Variants in SLC4A10 observed in about 807,000 individuals in gnomAD.
SLC4A10 encodes solute carrier family 4 member 10, also known as sodium-driven chloride bicarbonate exchanger.
Under a neutral mutation model 137.7 loss-of-function variants are expected in SLC4A10, and 42 were observed. That is an observed-to-expected ratio of 0.30 (90% CI 0.24 to 0.39). The LOEUF (loss-of-function observed/expected upper bound fraction) is 0.39, where lower values mean the gene tolerates loss of function less well. SLC4A10 is among the 10% of genes least tolerant of loss of function. The pLI, the probability that SLC4A10 is intolerant of heterozygous loss-of-function variation, is 1.00. For synonymous variants in SLC4A10, 474 were observed against 464.1 expected (o/e 1.02, Z -0.27); for missense variants, 925 against 1,355.0 (o/e 0.68, Z 4.98).
intron 1 of SLC4A10, among the ~76,000 whole-genome samples, chr2:161,737,049 G>A (rs1182460271): frequency 3.3e-5 from 5 of 151,522 alleles, no homozygotes; most frequent in Admixed American, 2.6e-4. Flanking sequence ...CATGGAGACA[G>A]TGTCTCACCG....
At chr2:161,715,694 G>A (rs144535270) in intron 1 of SLC4A10, among the ~76,000 whole-genome samples, 140 of 152,146 alleles carry the variant, frequency 9.2e-4, no homozygotes, top group African/African-American at 3.2e-3. Flanking sequence ...TGGCCACATA[G>A]TATTCCAGGG....
chr2:161,960,860 A>G (rs1696575489), intron 21 of SLC4A10, among the ~76,000 whole-genome samples: 1 of 152,142 alleles, frequency 6.6e-6, no homozygotes, highest in East Asian at 1.9e-4. Flanking sequence ...GGCCCTGGCA[A>G]TATCTTGCTT....
intron 2 of SLC4A10, among the ~76,000 whole-genome samples, chr2:161,786,883 T>A (rs1190349859): frequency 6.6e-6 from 1 of 151,300 alleles, no homozygotes; most frequent in Non-Finnish European, 1.5e-5. Flanking sequence ...AATATTGACA[T>A]GTGAAGTTTT....
At chr2:161,758,673 T>A (rs1006423335) in intron 1 of SLC4A10, among the ~76,000 whole-genome samples, 3 of 151,988 alleles carry the variant, frequency 2.0e-5, no homozygotes, top group Non-Finnish European at 4.4e-5. Flanking sequence ...TATTGTAGAT[T>A]ATTACAAACT....
At chr2:161,637,218 G>A (rs546428014) in intron 1 of SLC4A10, among the ~76,000 whole-genome samples, 2 of 150,730 alleles carry the variant, frequency 1.3e-5, no homozygotes, top group Non-Finnish European at 3.0e-5. Context: ...GAGAGAGAGA[G>A]ACAGAGTCTC....
chr2:161,669,555 A>G (rs2039460777), intron 1 of SLC4A10, among the ~76,000 whole-genome samples: 1 of 152,002 alleles, frequency 6.6e-6, no homozygotes, highest in African/African-American at 2.4e-5. Context: ...ATAAATTGCT[A>G]ATGTGAGTGA....
intron 3 of SLC4A10, among the ~76,000 whole-genome samples, chr2:161,817,488 G>T (rs2057201443): frequency 1.3e-5 from 2 of 152,124 alleles, no homozygotes; most frequent in South Asian, 4.2e-4. Context: ...AGTTTAATTA[G>T]ATCCCATTTG....
chr2:161,720,814 A>C (rs1489239811), intron 1 of SLC4A10, among the ~76,000 whole-genome samples: 1 of 149,110 alleles, frequency 6.7e-6, no homozygotes, highest in Non-Finnish European at 1.5e-5. Context: ...CACGCCAATG[A>C]GTCTTGACTC....
chr2:161,765,874 G>T (rs1447376847), intron 1 of SLC4A10, among the ~76,000 whole-genome samples: 2 of 152,044 alleles, frequency 1.3e-5, no homozygotes, highest in Non-Finnish European at 2.9e-5. Flanking sequence ...ATGTCCCTCT[G>T]CATTCCCTTC....
At chr2:161,933,729 G>A (rs991819558) in intron 15 of SLC4A10, among the ~76,000 whole-genome samples, 3 of 152,124 alleles carry the variant, frequency 2.0e-5, no homozygotes, top group Non-Finnish European at 4.4e-5. Flanking sequence ...TTCGTCCATT[G>A]ATGGGCACTT....
chr2:161,815,900 TC>T (rs1457363308), intron 3 of SLC4A10, among the ~76,000 whole-genome samples: 6 of 152,154 alleles, frequency 3.9e-5, no homozygotes, highest in Non-Finnish European at 7.3e-5. Context: ...CCTTCTTCAA[TC>T]ATCTGAGTAT....
intron 1 of SLC4A10, among the ~76,000 whole-genome samples, chr2:161,763,928 C>T (rs73017128): frequency 2.4e-3 from 361 of 152,192 alleles, no homozygotes; most frequent in African/African-American, 7.8e-3. Flanking sequence ...GGAGATACAA[C>T]CTTATGAAGG....
intron 19 of SLC4A10, among the ~76,000 whole-genome samples, chr2:161,954,474 G>GA (rs1301256924): frequency 1.3e-5 from 2 of 152,078 alleles, no homozygotes; most frequent in Non-Finnish European, 2.9e-5. Flanking sequence ...CTTTATTTGA[G>GA]AAAAAAATCT....
At chr2:161,890,360 C>T (rs549661020) in intron 10 of SLC4A10, among the ~76,000 whole-genome samples, 2 of 152,158 alleles carry the variant, frequency 1.3e-5, no homozygotes, top group African/African-American at 2.4e-5. Flanking sequence ...TTTTCTGTCT[C>T]GTTGATCGGT....
chr2:161,816,091 A>C (rs917433123), intron 3 of SLC4A10, among the ~76,000 whole-genome samples: 18 of 151,090 alleles, frequency 1.2e-4, no homozygotes, highest in Admixed American at 6.6e-4. Flanking sequence ...AGTCACACAC[A>C]GAGACTTCAA....
intron 2 of SLC4A10, among the ~76,000 whole-genome samples, chr2:161,803,234 T>C (rs1360139379): frequency 6.6e-6 from 1 of 152,130 alleles, no homozygotes; most frequent in African/African-American, 2.4e-5. Flanking sequence ...TTTAAGTTTA[T>C]AAAAATACTG....
chr2:161,892,717 G>A (rs1270344253), intron 10 of SLC4A10, among the ~76,000 whole-genome samples: 1 of 151,970 alleles, frequency 6.6e-6, no homozygotes, highest in African/African-American at 2.4e-5. Flanking sequence ...AATAATATAG[G>A]AGTCCTTAAT....
At chr2:161,656,233 A>G (rs1460870986) in intron 1 of SLC4A10, among the ~76,000 whole-genome samples, 1 of 152,230 alleles carries the variant, frequency 6.6e-6, no homozygotes, top group South Asian at 2.1e-4. Flanking sequence ...TAAAAATCAC[A>G]TGATCATCTC....
At chr2:161,817,383 C>T (rs1384813802) in intron 3 of SLC4A10, among the ~76,000 whole-genome samples, 1 of 152,088 alleles carries the variant, frequency 6.6e-6, no homozygotes, top group African/African-American at 2.4e-5. Context: ...GCTATCAGCT[C>T]TTTGTCAGAT....
Sources: allele counts gnomAD v4.1 joint callset (sites outside exome capture counted in the v4.1 genomes callset), GRCh38; gene constraint gnomAD v4.1.1; transcripts MANE v1.5; gene names NCBI Gene and HGNC (gene_info 2026-07-23, HGNC 2026-07-21).